MYO1D: variants seen among roughly 807,000 people sequenced by gnomAD.
MYO1D encodes the protein unconventional myosin-Id.
MYO1D carries 83 observed loss-of-function variants against 122.0 expected under a neutral mutation model. That is an observed-to-expected ratio of 0.68 (90% CI 0.57 to 0.82). MYO1D has a LOEUF of 0.82. Ranked by LOEUF, MYO1D falls within the 40% of genes least tolerant of loss-of-function variation. MYO1D has a pLI of 0.00. For missense variants in MYO1D, 1,157 were observed against 1,269.5 expected (o/e 0.91, Z 1.35); for synonymous variants, 464 against 446.9 (o/e 1.04, Z -0.48).
At chr17:32,764,448 T>G (rs996383494) in intron 8 of MYO1D, among the ~76,000 whole-genome samples, 13 of 152,134 alleles carry the variant, frequency 8.5e-5, no homozygotes, top group South Asian at 4.1e-4. Context: ...AAATGGTAAG[T>G]AGGTGAGGTA....
intron 14 of MYO1D, among the ~76,000 whole-genome samples, chr17:32,724,205 T>C (rs115403235): frequency 0.019 from 2,934 of 152,308 alleles, 93 homozygotes; most frequent in African/African-American, 0.066. Flanking sequence ...CCAAGAAAAG[T>C]GGCACTGAGC....
intron 16 of MYO1D, among the ~76,000 whole-genome samples, chr17:32,700,453 G>A (rs1274712724): frequency 6.6e-6 from 1 of 152,144 alleles, no homozygotes; most frequent in African/African-American, 2.4e-5. Context: ...GTGGCACAAG[G>A]GTTGGGGACC....
chr17:32,875,277 C>T (rs973316474), intron 1 of MYO1D, among the ~76,000 whole-genome samples: 12 of 152,150 alleles, frequency 7.9e-5, no homozygotes, highest in Admixed American at 6.5e-4. Context: ...TTAAAACAAC[C>T]TTAATCTATG....
intron 21 of MYO1D, among the ~76,000 whole-genome samples, chr17:32,512,538 T>C (rs891440485): frequency 4.0e-5 from 6 of 151,578 alleles, no homozygotes; most frequent in African/African-American, 1.5e-4. Context: ...TGTGGCCTCT[T>C]AGGCTGTGTC....
chr17:32,734,858 T>G (rs2089679772), intron 14 of MYO1D: 1 of 151,204 alleles, frequency 6.6e-6, no homozygotes, highest in Non-Finnish European at 1.5e-5. Flanking sequence ...TGACCTGAGA[T>G]CAGGAGTTCA....
chr17:32,787,183 T>C (rs1408215734), intron 1 of MYO1D, among the ~76,000 whole-genome samples: 4 of 151,884 alleles, frequency 2.6e-5, no homozygotes, highest in Non-Finnish European at 5.9e-5. Flanking sequence ...TTAAAAGACA[T>C]AAAGAGAATG....
rs141774554 is a variant in MYO1D at position 32,674,109 on chromosome 17, A to C, written c.2122-14771T>G. Among the ~76,000 whole-genome samples, 505 of 152,308 alleles carry C rather than the reference A, an allele frequency of 3.3e-3. 3 individuals are homozygous for C. The highest frequency in any genetic ancestry group is 0.011 in the African/African-American group (467 of 41,574). On this transcript the variant is annotated intron_variant, in intron 16 of 21. Coordinates refer to ENST00000318217, the MANE Select transcript of MYO1D (RefSeq NM_015194.3). ...ATGAAGCTTGAATTCCTGAACTCCAAAGTGAGGCTGTTTCAACGTTCTGAC... is the reference window on the plus strand; with the variant it reads ...ATGAAGCTTGAATTCCTGAACTCCACAGTGAGGCTGTTTCAACGTTCTGAC...
intron 16 of MYO1D, among the ~76,000 whole-genome samples, chr17:32,704,980 C>T (rs1033026981): frequency 6.6e-6 from 1 of 152,002 alleles, no homozygotes; most frequent in Non-Finnish European, 1.5e-5. Flanking sequence ...AAATTATCCA[C>T]TATAAAATCA....
chr17:32,669,720 T>A (rs1170282399), intron 16 of MYO1D, among the ~76,000 whole-genome samples: 1 of 152,138 alleles, frequency 6.6e-6, no homozygotes, highest in Non-Finnish European at 1.5e-5. Context: ...AATAAAAGAA[T>A]TATTCAAATA....
intron 1 of MYO1D, among the ~76,000 whole-genome samples, chr17:32,795,217 A>T (rs2090401708): frequency 6.6e-6 from 1 of 152,120 alleles, no homozygotes; most frequent in Non-Finnish European, 1.5e-5. Context: ...TCTCTCATAG[A>T]ATTAAACCCG....
chr17:32,699,095 G>C (rs2089212125), intron 16 of MYO1D, among the ~76,000 whole-genome samples: 3 of 152,064 alleles, frequency 2.0e-5, no homozygotes. Flanking sequence ...AGCCTGAATA[G>C]CTGGGATTAC....
At chr17:32,554,809 T>C (rs1355279880) in intron 21 of MYO1D, among the ~76,000 whole-genome samples, 1 of 152,172 alleles carries the variant, frequency 6.6e-6, no homozygotes, top group Non-Finnish European at 1.5e-5. Flanking sequence ...GCAGAAAACG[T>C]TCAATTTCAT....
intron 19 of MYO1D, among the ~76,000 whole-genome samples, chr17:32,639,550 A>C (rs1249688399): frequency 6.6e-6 from 1 of 152,028 alleles, no homozygotes; most frequent in Non-Finnish European, 1.5e-5. Flanking sequence ...TATGTATTTT[A>C]AAAAGATGAG....
chr17:32,539,161 G>A (rs754400955), intron 21 of MYO1D, among the ~76,000 whole-genome samples: 2 of 151,688 alleles, frequency 1.3e-5, no homozygotes, highest in Non-Finnish European at 2.9e-5. Flanking sequence ...TTTTTTAAAG[G>A]CCTGGCTCTG....
intron 1 of MYO1D, among the ~76,000 whole-genome samples, chr17:32,790,341 C>T (rs2090337486): frequency 6.6e-6 from 1 of 152,202 alleles, no homozygotes; most frequent in Non-Finnish European, 1.5e-5. Flanking sequence ...ACTGTGTGCA[C>T]TGGCCTTTAT....
chr17:32,671,370 G>A (rs948879719), intron 16 of MYO1D, among the ~76,000 whole-genome samples: 3 of 152,170 alleles, frequency 2.0e-5, no homozygotes, highest in Admixed American at 6.5e-5. Flanking sequence ...CCCGGGCTGC[G>A]AGTCTAGCAA....
At chr17:32,545,794 C>T (rs1172675845) in intron 21 of MYO1D, among the ~76,000 whole-genome samples, 3 of 150,652 alleles carry the variant, frequency 2.0e-5, no homozygotes, top group African/African-American at 7.3e-5. Flanking sequence ...TGGGGTTCCA[C>T]ATAAGTGTCA....
chr17:32,785,053 TG>T (rs1376616772), intron 1 of MYO1D, among the ~76,000 whole-genome samples: 1 of 152,174 alleles, frequency 6.6e-6, no homozygotes, highest in Non-Finnish European at 1.5e-5. Flanking sequence ...AGGTGCTCAG[TG>T]GGGGGAATGG....
chr17:32,759,916 A>G (rs2089982352), intron 10 of MYO1D: 1 of 517,838 alleles, frequency 1.9e-6, no homozygotes, highest in East Asian at 2.9e-5. Flanking sequence ...AAGAGGAGAA[A>G]AAGGAGGAAA....
Sources: allele counts gnomAD v4.1 joint callset (sites outside exome capture counted in the v4.1 genomes callset), GRCh38; gene constraint gnomAD v4.1.1; transcripts MANE v1.5; gene names NCBI Gene and HGNC (gene_info 2026-07-23, HGNC 2026-07-21).